L3MBTL4: variants seen among roughly 807,000 people sequenced by gnomAD.
L3MBTL4 encodes L3MBTL histone methyl-lysine binding protein 4, also known as lethal(3)malignant brain tumor-like protein 4.
L3MBTL4 carries 70 observed loss-of-function variants against 84.5 expected under a neutral mutation model. The ratio of observed to expected loss-of-function variants is 0.83; its 90% CI spans 0.68 to 1.01. The LOEUF (loss-of-function observed/expected upper bound fraction) is 1.01. Among genes scored for constraint, L3MBTL4 ranks in the 50% least tolerant of loss-of-function variants. The probability of loss-of-function intolerance (pLI) is 0.00; values close to 1 mark genes in which losing one functional copy is unlikely to be tolerated. For synonymous variants in L3MBTL4, 274 were observed against 259.8 expected (o/e 1.05, Z -0.52); for missense variants, 715 against 754.8 (o/e 0.95, Z 0.62).
At chr18:6,142,087 C>T (rs1215542102) in intron 13 of L3MBTL4, among the ~76,000 whole-genome samples, 1 of 152,230 alleles carries the variant, frequency 6.6e-6, no homozygotes, top group African/African-American at 2.4e-5. Context: ...TTATATTTCA[C>T]TTCCTCATGC....
At chr18:6,321,186 A>T (rs1208898112) in intron 1 of L3MBTL4, among the ~76,000 whole-genome samples, 1 of 152,208 alleles carries the variant, frequency 6.6e-6, no homozygotes, top group Non-Finnish European at 1.5e-5. Flanking sequence ...ATTTATGACT[A>T]CGACCCCAAA....
intron 1 of L3MBTL4, among the ~76,000 whole-genome samples, chr18:6,410,135 C>T (rs2055904737): frequency 6.6e-6 from 1 of 152,240 alleles, no homozygotes; most frequent in Non-Finnish European, 1.5e-5. Context: ...CCAGCCATCT[C>T]CCACCCAGGC....
intron 1 of L3MBTL4, among the ~76,000 whole-genome samples, chr18:6,328,719 G>A (rs989266432): frequency 1.3e-5 from 2 of 152,058 alleles, no homozygotes; most frequent in African/African-American, 4.8e-5. Flanking sequence ...CTAGTACCAC[G>A]GAAACTTTTT....
At chr18:6,383,230 A>T (rs895806314) in intron 1 of L3MBTL4, among the ~76,000 whole-genome samples, 1 of 151,922 alleles carries the variant, frequency 6.6e-6, no homozygotes, top group Non-Finnish European at 1.5e-5. Context: ...AACCCACTGG[A>T]TCTTAGTTTG....
At chr18:6,372,564 C>A (rs41523950) in intron 1 of L3MBTL4, among the ~76,000 whole-genome samples, 1 of 152,088 alleles carries the variant, frequency 6.6e-6, no homozygotes, top group African/African-American at 2.4e-5. Flanking sequence ...TCCATTCTTC[C>A]GCAAGGCCTC....
intron 1 of L3MBTL4, among the ~76,000 whole-genome samples, chr18:6,405,652 C>T (rs1203388676): frequency 6.6e-6 from 1 of 152,026 alleles, no homozygotes; most frequent in African/African-American, 2.4e-5. Flanking sequence ...GCCCCCTAAA[C>T]ACAGGGGCTG....
At chr18:6,378,207 T>A (rs1176218023) in intron 1 of L3MBTL4, among the ~76,000 whole-genome samples, 1 of 152,242 alleles carries the variant, frequency 6.6e-6, no homozygotes, top group Non-Finnish European at 1.5e-5. Context: ...CTTTGTAGAT[T>A]CTGGATATTA....
chr18:6,002,574 G>A (rs924550310), intron 16 of L3MBTL4, among the ~76,000 whole-genome samples: 5 of 151,938 alleles, frequency 3.3e-5, no homozygotes, highest in Non-Finnish European at 4.4e-5. Context: ...ATATAGGAGC[G>A]GAATTTTTGT....
chr18:6,088,165 G>A (rs1568097509), intron 15 of L3MBTL4, among the ~76,000 whole-genome samples: 1 of 152,214 alleles, frequency 6.6e-6, no homozygotes, highest in African/African-American at 2.4e-5. Flanking sequence ...GGACCAAAAG[G>A]AGAGAGGGAT....
At chr18:6,153,302 G>C (rs1300174178) in intron 13 of L3MBTL4, among the ~76,000 whole-genome samples, 1 of 152,104 alleles carries the variant, frequency 6.6e-6, no homozygotes, top group Non-Finnish European at 1.5e-5. Flanking sequence ...TCTGTAAACT[G>C]TTTTGAGTAG....
At chr18:6,311,720 C>G in intron 2 of L3MBTL4, 64 bp from the exon 3 acceptor site, 1 of 904,798 alleles carries the variant, frequency 1.1e-6, no homozygotes. Flanking sequence ...ATTACAGAAG[C>G]AAACAAGAAA....
At chr18:6,356,968 C>G (rs950960683) in intron 1 of L3MBTL4, among the ~76,000 whole-genome samples, 1 of 152,174 alleles carries the variant, frequency 6.6e-6, no homozygotes, top group African/African-American at 2.4e-5. Flanking sequence ...GCCACAGCTG[C>G]CCACTGTCAC....
intron 14 of L3MBTL4, among the ~76,000 whole-genome samples, chr18:6,123,281 T>G (rs1242119222): frequency 6.6e-6 from 1 of 152,168 alleles, no homozygotes; most frequent in African/African-American, 2.4e-5. Context: ...TCTTAGAGAA[T>G]TATGTTGTGA....
chr18:6,147,675 A>C (rs2042714184), intron 13 of L3MBTL4, among the ~76,000 whole-genome samples: 1 of 152,204 alleles, frequency 6.6e-6, no homozygotes, highest in African/African-American at 2.4e-5. Flanking sequence ...TATAATAATA[A>C]TACTTATCTT....
At chr18:6,399,453 A>G (rs1050984756) in intron 1 of L3MBTL4, among the ~76,000 whole-genome samples, 7 of 140,778 alleles carry the variant, frequency 5.0e-5, no homozygotes, top group African/African-American at 1.4e-4. Context: ...AGAAAAAAAG[A>G]AAAAAAAAGG....
chr18:6,036,367 GT>G (rs371302515), intron 16 of L3MBTL4, among the ~76,000 whole-genome samples: 2,355 of 150,408 alleles, frequency 0.016, 71 homozygotes, highest in African/African-American at 0.054. Flanking sequence ...TGCTGATTCT[GT>G]TTTTTTTTCC....
intron 17 of L3MBTL4, among the ~76,000 whole-genome samples, chr18:5,962,575 G>A (rs995608680): frequency 4.6e-5 from 7 of 152,140 alleles, no homozygotes; most frequent in African/African-American, 1.4e-4. Flanking sequence ...GAGCTTTCAC[G>A]CTGACTGCAG....
chr18:6,268,804 T>G (rs142432114), intron 4 of L3MBTL4, among the ~76,000 whole-genome samples: 1 of 152,216 alleles, frequency 6.6e-6, no homozygotes, highest in African/African-American at 2.4e-5. Context: ...TACCAGGTAC[T>G]GATTGGGATA....
chr18:5,989,334 C>T (rs1372501522), intron 16 of L3MBTL4, among the ~76,000 whole-genome samples: 1 of 152,102 alleles, frequency 6.6e-6, no homozygotes, highest in Non-Finnish European at 1.5e-5. Flanking sequence ...AGCACAATAT[C>T]CTGAAAAAAG....
Sources: gnomAD v4.1 joint callset for allele counts (sites outside exome capture counted in the v4.1 genomes callset) on GRCh38, gnomAD v4.1.1 for gene constraint, MANE v1.5 for transcripts, NCBI Gene and HGNC (gene_info 2026-07-23, HGNC 2026-07-21) for gene names.